Variants in RBFOX1 observed in about 807,000 individuals in gnomAD.
The protein encoded by RBFOX1 is RNA binding fox-1 homolog 1.
In RBFOX1, 8 loss-of-function variants were observed where a neutral mutation model predicts 57.7. The ratio of observed to expected loss-of-function variants is 0.14; its 90% CI spans 0.08 to 0.25. The LOEUF (loss-of-function observed/expected upper bound fraction) is 0.25. Ranked by LOEUF, RBFOX1 falls within the 10% of genes least tolerant of loss-of-function variation. RBFOX1 has a pLI of 1.00. For synonymous variants in RBFOX1, 326 were observed against 222.4 expected (o/e 1.47, Z -4.15); for missense variants, 611 against 548.5 (o/e 1.11, Z -1.14).
chr16:6,768,740 CTT>C (rs536608931), intron 3 of RBFOX1, among the ~76,000 whole-genome samples: 1,724 of 139,522 alleles, frequency 0.012, 34 homozygotes, highest in African/African-American at 0.042. Context: ...TATTATTTTT[CTT>C]TTTTTTTTTT....
chr16:6,541,670 C>CA (rs1477907345), intron 2 of RBFOX1, among the ~76,000 whole-genome samples: 1 of 152,146 alleles, frequency 6.6e-6, no homozygotes, highest in African/African-American at 2.4e-5. Flanking sequence ...GTAGGAAGAG[C>CA]AAGAATATCA....
intron 4 of RBFOX1, among the ~76,000 whole-genome samples, chr16:7,124,022 T>G (rs919124528): frequency 1.3e-5 from 2 of 152,158 alleles, no homozygotes; most frequent in African/African-American, 4.8e-5. Context: ...AAAATGGAAT[T>G]ACTAGGTCAA....
intron 2 of RBFOX1, among the ~76,000 whole-genome samples, chr16:6,513,051 A>G (rs2096286233): frequency 6.6e-6 from 1 of 152,206 alleles, no homozygotes. Context: ...TAGCACATCA[A>G]TCAATATGGC....
intron 2 of RBFOX1, among the ~76,000 whole-genome samples, chr16:6,532,180 CT>C (rs1487101957): frequency 6.6e-6 from 1 of 152,140 alleles, no homozygotes; most frequent in Non-Finnish European, 1.5e-5. Context: ...AAGAAAGTTC[CT>C]TTAGGAAACT....
rs189749359 is a variant in RBFOX1, at chr16:6,504,238, A to G, written c.-63-150365A>G. On this transcript the variant is annotated intron_variant, in intron 2 of 15. Transcript: ENST00000550418. ...TAGCACCAACGGTGTTCTGACAAGT[A>G]TGTCGATTCTGAGCTTCTCCACAGT... 5.3e-5 allele frequency among the ~76,000 whole-genome samples: 8 copies of G among 152,298 alleles called. No homozygotes were observed. In the East Asian group the frequency reaches 1.2e-3, roughly 22 times the overall value.
At chr16:5,670,169 C>T (rs2151415197) in intron 3 of RBFOX1, among the ~76,000 whole-genome samples, 1 of 150,838 alleles carries the variant, frequency 6.6e-6, no homozygotes, top group Admixed American at 6.6e-5. Flanking sequence ...TTACTGGGGG[C>T]TGGGGGCTGG....
chr16:6,767,808 G>A (rs1008589554), intron 3 of RBFOX1, among the ~76,000 whole-genome samples: 3 of 151,754 alleles, frequency 2.0e-5, no homozygotes, highest in Admixed American at 1.3e-4. Context: ...CAGCTACTCA[G>A]GAGGCTCAGG....
At chr16:7,669,297 C>A (rs2070572745) in intron 13 of RBFOX1, among the ~76,000 whole-genome samples, 1 of 152,052 alleles carries the variant, frequency 6.6e-6, no homozygotes, top group South Asian at 2.1e-4. Context: ...GGTTGACCTT[C>A]TCAGAAAGAG....
intron 4 of RBFOX1, among the ~76,000 whole-genome samples, chr16:5,998,207 C>T (rs560757808): frequency 9.2e-5 from 14 of 152,318 alleles, no homozygotes; most frequent in African/African-American, 3.4e-4. Flanking sequence ...AATTCATGAA[C>T]ATACACTAGA....
At chr16:6,375,173 C>T (rs1489213569) in intron 2 of RBFOX1, among the ~76,000 whole-genome samples, 1 of 152,048 alleles carries the variant, frequency 6.6e-6, no homozygotes, top group African/African-American at 2.4e-5. Context: ...GGTTCTGTTG[C>T]CAAAACACCA....
chr16:5,703,426 G>A (rs2051123559), intron 3 of RBFOX1, among the ~76,000 whole-genome samples: 1 of 152,212 alleles, frequency 6.6e-6, no homozygotes, highest in Non-Finnish European at 1.5e-5. Context: ...CAGGTGGGTA[G>A]GAGAACTGGA....
chr16:6,399,156 T>C (rs1208565834), intron 2 of RBFOX1, among the ~76,000 whole-genome samples: 1 of 152,210 alleles, frequency 6.6e-6, no homozygotes, highest in Non-Finnish European at 1.5e-5. Flanking sequence ...TGGCTGGAGC[T>C]GAAGCAGCTG....
intron 4 of RBFOX1, among the ~76,000 whole-genome samples, chr16:7,166,972 C>CTTTTTGTTTTTTTTTTT (rs2079653361): frequency 2.0e-5 from 1 of 49,098 alleles, no homozygotes; most frequent in Non-Finnish European, 3.4e-5. Context: ...CATTGGTGTT[C>CTTTTTGTTTTTTTTTTT]TTTTTTTTTT....
chr16:6,079,236 G>A (rs898747501), intron 1 of RBFOX1, among the ~76,000 whole-genome samples: 7 of 152,210 alleles, frequency 4.6e-5, no homozygotes, highest in Admixed American at 1.3e-4. Context: ...AACTGGGGAG[G>A]TGGAGGTTGT....
chr16:6,557,106 CAT>C (rs1375330978), intron 2 of RBFOX1, among the ~76,000 whole-genome samples: 146 of 139,452 alleles, frequency 1.0e-3, no homozygotes, highest in African/African-American at 1.5e-3. Context: ...TATATACATA[CAT>C]ATATACATAT....
chr16:6,590,658 A>C (rs545365748), intron 2 of RBFOX1, among the ~76,000 whole-genome samples: 1 of 152,346 alleles, frequency 6.6e-6, no homozygotes, highest in South Asian at 2.1e-4. Context: ...TCATCCCTGC[A>C]TTCAGAGGAT....
At chr16:5,246,746 C>T (rs1451567303) in intron 1 of RBFOX1, among the ~76,000 whole-genome samples, 1 of 151,660 alleles carries the variant, frequency 6.6e-6, no homozygotes, top group Non-Finnish European at 1.5e-5. Flanking sequence ...TCTTGGCTGA[C>T]TGCAGCCTTG....
intron 3 of RBFOX1, among the ~76,000 whole-genome samples, chr16:6,910,084 C>T (rs931621605): frequency 2.6e-5 from 4 of 151,968 alleles, no homozygotes; most frequent in South Asian, 2.1e-4. Context: ...TGTGCCTGTA[C>T]GTCCCACCCT....
intron 3 of RBFOX1, among the ~76,000 whole-genome samples, chr16:5,693,727 C>T (rs536076426): frequency 9.9e-5 from 15 of 152,280 alleles, no homozygotes; most frequent in African/African-American, 3.4e-4. Context: ...TCCTCTTTCC[C>T]ATTCTATCCA....
Sources: gnomAD v4.1 joint callset for allele counts (sites outside exome capture counted in the v4.1 genomes callset) on GRCh38, gnomAD v4.1.1 for gene constraint, MANE v1.5 for transcripts, NCBI Gene and HGNC (gene_info 2026-07-23, HGNC 2026-07-21) for gene names.